Variants in TENM4 observed in about 807,000 individuals in gnomAD.
The protein encoded by TENM4 is teneurin transmembrane protein 4.
Under a neutral mutation model 243.3 loss-of-function variants are expected in TENM4, and 82 were observed. That is an observed-to-expected ratio of 0.34 (90% CI 0.28 to 0.40). TENM4 has a LOEUF of 0.40. Ranked by LOEUF, TENM4 falls within the 10% of genes least tolerant of loss-of-function variation. The probability of loss-of-function intolerance (pLI) is 1.00; values close to 1 mark genes in which losing one functional copy is unlikely to be tolerated. For missense variants in TENM4, 3,138 were observed against 3,673.3 expected, an observed-to-expected ratio of 0.85 and a Z score of 3.77; for synonymous variants, 1,412 against 1,456.3, an observed-to-expected ratio of 0.97 and a Z score of 0.69.
chr11:78,772,289 G>A (rs1001854972), intron 17 of TENM4, among the ~76,000 whole-genome samples: 2 of 152,042 alleles, frequency 1.3e-5, no homozygotes, highest in African/African-American at 2.4e-5. Context: ...GTTAAATTAC[G>A]TGGTTCACTT....
intron 18 of TENM4, among the ~76,000 whole-genome samples, chr11:78,765,257 A>G (rs954120153): frequency 1.3e-5 from 2 of 152,226 alleles, no homozygotes; most frequent in African/African-American, 4.8e-5. Flanking sequence ...GCCTTCTTTC[A>G]AAAGGCTTGC....
At chr11:79,047,300 G>T (rs1859681007) in intron 6 of TENM4, among the ~76,000 whole-genome samples, 1 of 152,186 alleles carries the variant, frequency 6.6e-6, no homozygotes, top group Non-Finnish European at 1.5e-5. Context: ...CTACTTAAAA[G>T]GTTTCACCCC....
At chr11:79,174,505 C>T (rs1863117952) in intron 3 of TENM4, among the ~76,000 whole-genome samples, 1 of 152,178 alleles carries the variant, frequency 6.6e-6, no homozygotes, top group Non-Finnish European at 1.5e-5. Context: ...TGTCTTTCAT[C>T]GGCTCTTCCA....
intron 1 of TENM4, among the ~76,000 whole-genome samples, chr11:79,321,699 A>G (rs1323706434): frequency 6.6e-6 from 1 of 151,632 alleles, no homozygotes; most frequent in African/African-American, 2.4e-5. Context: ...AAAGGGGCTG[A>G]CAGAATTTCA....
In TENM4 at chr11:79,060,160, C is replaced by T. The variant is rs115618274; in HGVS notation, c.493+4578G>A. On this transcript the variant is annotated intron_variant, in intron 6 of 33. Transcript: ENST00000278550. ...TTTCTAAAAAACATCTATTGCATGC[C>T]GACTGTTCCTGACAGGCCAGCTTCT... Among the ~76,000 whole-genome samples the T allele has an allele frequency of 3.6e-3, 546 of 152,328 alleles. 2 individuals are homozygous for T. The highest frequency in any genetic ancestry group is 0.012 in the African/African-American group (511 of 41,572).
chr11:79,118,996 A>G (rs767705799), intron 4 of TENM4, among the ~76,000 whole-genome samples: 1 of 151,674 alleles, frequency 6.6e-6, no homozygotes, highest in Non-Finnish European at 1.5e-5. Flanking sequence ...TTTTCACTGT[A>G]GCTACAACAT....
At chr11:78,867,642 C>A (rs772099297) in intron 9 of TENM4, among the ~76,000 whole-genome samples, 5 of 152,086 alleles carry the variant, frequency 3.3e-5, no homozygotes, top group African/African-American at 1.2e-4. Flanking sequence ...AATCATAACA[C>A]AAAAATTAGT....
rs140095776 is a variant in TENM4 at position 79,426,458 on chromosome 11, C to A, written c.-321+14051G>T. Among the ~76,000 whole-genome samples the A allele has an allele frequency of 1.7e-3, 263 of 152,304 alleles. 8 individuals carry two copies. The East Asian group carries it at 0.048, about 28-fold the overall frequency. ...AAATGGGAACTAACAAGACCTTACTCAGCTCCATGTGAATAAATGCGATAA... is the reference window on the plus strand; with the variant it reads ...AAATGGGAACTAACAAGACCTTACTAAGCTCCATGTGAATAAATGCGATAA... On this transcript the variant is annotated intron_variant, in intron 1 of 33. Coordinates refer to ENST00000278550, the MANE Select transcript of TENM4 (RefSeq NM_001098816.3).
intron 25 of TENM4, among the ~76,000 whole-genome samples, chr11:78,713,228 G>C (rs1022412527): frequency 6.6e-6 from 1 of 152,112 alleles, no homozygotes; most frequent in Non-Finnish European, 1.5e-5. Flanking sequence ...TCTGACTCCC[G>C]GTCAGCAGCA....
In TENM4 at chr11:79,327,273, G is replaced by A. The variant is rs115806316; in HGVS notation, c.-320-29730C>T. On this transcript the variant is annotated intron_variant, in intron 1 of 33. Coordinates refer to ENST00000278550, the MANE Select transcript of TENM4 (RefSeq NM_001098816.3). Reference sequence around the variant, plus strand: ...ACACTATAATTGAGACAGTGGCCCCGGGTTTCATCACTAGATGATAGTGAA... The same window carrying A: ...ACACTATAATTGAGACAGTGGCCCCAGGTTTCATCACTAGATGATAGTGAA... 3.0e-3 allele frequency among the ~76,000 whole-genome samples: 463 copies of A among 152,232 alleles called. 4 individuals are homozygous for A. The highest frequency in any genetic ancestry group is 0.011 in the African/African-American group (443 of 41,540).
intron 6 of TENM4, among the ~76,000 whole-genome samples, chr11:78,977,679 G>C (rs1188575056): frequency 6.6e-6 from 1 of 152,210 alleles, no homozygotes; most frequent in Non-Finnish European, 1.5e-5. Context: ...AGTTAGAATG[G>C]CGATCATTAA....
intron 4 of TENM4, among the ~76,000 whole-genome samples, chr11:79,120,664 A>AT (rs2137129195): frequency 6.6e-6 from 1 of 152,370 alleles, no homozygotes; most frequent in South Asian, 2.1e-4. Flanking sequence ...TTGTCATTAC[A>AT]TATTTTCCCA....
In TENM4 at chr11:78,657,460, C is replaced by T. The variant is rs1270149666; in HGVS notation, c.*598G>A. On this transcript the variant is annotated 3_prime_UTR_variant, in exon 34 of 34. Coordinates refer to ENST00000278550, the MANE Select transcript of TENM4 (RefSeq NM_001098816.3). ...GGTGCTGAACAACACCATGAAATTCCCTGGAGCAAGATGAAGCCATCTATG... is the reference window on the plus strand; with the variant it reads ...GGTGCTGAACAACACCATGAAATTCTCTGGAGCAAGATGAAGCCATCTATG... 2 of 343,386 alleles carry T rather than the reference C, an allele frequency of 5.8e-6. No homozygotes were observed. The highest frequency in any genetic ancestry group is 4.4e-5 in the East Asian group (1 of 22,932). 21.3% of individuals were successfully genotyped at this position (343,386 alleles called of 1,614,324 possible).
chr11:79,198,946 C>G (rs944615506), intron 3 of TENM4, among the ~76,000 whole-genome samples: 2 of 152,122 alleles, frequency 1.3e-5, no homozygotes, highest in Non-Finnish European at 2.9e-5. Flanking sequence ...GAATTGAAAC[C>G]TAAGGGATGA....
chr11:78,669,819 C>T lies in TENM4; in HGVS notation c.6526G>A (p.Val2176Ile), dbSNP rs757780293. 2.5e-6 allele frequency: 4 copies of T among 1,613,946 alleles called. No homozygotes were observed. Among genetic ancestry groups the T allele is most frequent in the East Asian group, 2.2e-5 (1 of 44,876 alleles). The stretch of plus-strand genomic sequence containing the variant: ...CCTACCTTCAGCTCCTTCTTCACTA[C>T]TCGCCCCATGTTATCATACTGGACG... ...MTVQYDNMGR[V>I]VKKELKVGPY... The change falls in exon 32 of 34, where the codon GTA (valine) becomes ATA (isoleucine). Residue 2176 changes from valine (V) to isoleucine (I), a missense_variant. By Grantham distance (29) the Val-to-Ile change is conservative (BLOSUM62 3). Transcript: ENST00000278550. This position sits in a 1 kb window ranked among gnomAD's most constrained non-coding sequence, Gnocchi z 6.4.
At chr11:79,338,231 A>T (rs182250386) in intron 1 of TENM4, among the ~76,000 whole-genome samples, 1 of 152,334 alleles carries the variant, frequency 6.6e-6, no homozygotes, top group East Asian at 1.9e-4. Flanking sequence ...AATAAAAACC[A>T]GGGAGGTTTG....
rs903232218 is a variant in TENM4, at chr11:79,095,643, G to C, written c.-65-25634C>G. On this transcript the variant is annotated intron_variant, in intron 4 of 33. Transcript: ENST00000278550. ...TTGAGGCCCCTCTGGTGACTAACCTGGTCCTCCTACCAGGAAGGAAGCAGA... is the reference window on the plus strand; with the variant it reads ...TTGAGGCCCCTCTGGTGACTAACCTCGTCCTCCTACCAGGAAGGAAGCAGA... 2.0e-5 allele frequency among the ~76,000 whole-genome samples: 3 copies of C among 152,196 alleles called. No homozygotes were observed. The East Asian group carries it at 5.8e-4, about 30-fold the overall frequency.
chr11:78,668,791 T>A, intron 32 of TENM4, 146 bp downstream of exon 32: 11 of 1,076,540 alleles, frequency 1.0e-5, no homozygotes, highest in Non-Finnish European at 1.4e-5. Context: ...CTAGTGTTTC[T>A]TCAAACGGAC....
At chr11:79,192,576 CG>C (rs1184286171) in intron 3 of TENM4, among the ~76,000 whole-genome samples, 5 of 151,658 alleles carry the variant, frequency 3.3e-5, no homozygotes, top group East Asian at 1.9e-4. Context: ...GCAGCATGCT[CG>C]TTTAAGAGTC....
Sources: allele counts gnomAD v4.1 joint callset (sites outside exome capture counted in the v4.1 genomes callset), GRCh38; gene constraint gnomAD v4.1.1; non-coding constraint Gnocchi (gnomAD v3.1); transcripts MANE v1.5; gene names NCBI Gene and HGNC (gene_info 2026-07-23, HGNC 2026-07-21).